Variants in HACE1 observed in about 807,000 individuals in gnomAD.
The protein encoded by HACE1 is E3 ubiquitin-protein ligase HACE1.
In HACE1, 73 loss-of-function variants were observed where a neutral mutation model predicts 118.4. The observed-to-expected ratio is 0.62, with a 90% CI of 0.51 to 0.75. HACE1 has a LOEUF of 0.75. Ranked by LOEUF, HACE1 falls within the 30% of genes least tolerant of loss-of-function variation. The pLI is 0.00. For missense variants in HACE1, 749 were observed against 1,102.2 expected, an observed-to-expected ratio of 0.68 and a Z score of 4.54; for synonymous variants, 368 against 374.8, an observed-to-expected ratio of 0.98 and a Z score of 0.21.
rs1157111442 is a variant in HACE1 at position 104,730,297 on chromosome 6, AC to A, written c.2627+5del. ...TAAAGCATTTAAATAAACCAAGTCA[AC>A]ATACCATGTGCTTGAAGTTGGTAAA... On this transcript the variant is annotated splice_donor_5th_base_variant and intron_variant, in intron 23 of 23. Coordinates refer to ENST00000262903, the MANE Select transcript of HACE1 (RefSeq NM_020771.4). 1 of 1,284,262 alleles carries A rather than the reference AC, an allele frequency of 7.8e-7. No homozygotes were observed. Among genetic ancestry groups the A allele is most frequent in the African/African-American group, 1.5e-5 (1 of 68,734 alleles). The allele number at this position is 1,284,262 out of a possible 1,614,324, so 79.6% of individuals were successfully genotyped here.
At chr6:104,792,361 C>G (rs567959967) in intron 10 of HACE1, among the ~76,000 whole-genome samples, 1 of 152,246 alleles carries the variant, frequency 6.6e-6, no homozygotes, top group African/African-American at 2.4e-5. Flanking sequence ...GAAAGCCCTT[C>G]AGAATCCCAC....
At position 104,729,746 on chromosome 6, in the gene HACE1, T is replaced by G; in HGVS notation, c.2646A>C (p.Leu882Phe). 1 of 1,528,206 alleles carries G rather than the reference T, an allele frequency of 6.5e-7. No individual in the cohort carries two copies. Among genetic ancestry groups the G allele is most frequent in the Non-Finnish European group, 9.1e-7 (1 of 1,102,332 alleles). The allele number at this position is 1,528,206 out of a possible 1,614,324, so 94.7% of individuals were successfully genotyped here. A position where few individuals can be genotyped will look rare whatever the true frequency, so the allele number is the denominator to read the frequency against. Residue 882 changes from leucine (L) to phenylalanine (F), a missense_variant, in exon 24 of 24, where the codon TTA (leucine) becomes TTC (phenylalanine). Physicochemically the swap from Leu to Phe is conservative, Grantham distance 22. Around this residue, in one of 5 missense-constraint regions of HACE1, gnomAD observed 165 missense variants for 229.9 expected, o/e 0.72. Transcript: ENST00000262903. ...TSSTCINMLKLPEYPSKEILK... is the reference protein window; with the variant it reads ...TSSTCINMLKFPEYPSKEILK... ...GTATTTCTTTACTTGGGTATTCAGG[T>G]AACTTGAGCATGTTGATGCTTTAAA...
intron 22 of HACE1, among the ~76,000 whole-genome samples, chr6:104,734,315 A>G (rs578085842): frequency 5.9e-4 from 90 of 152,166 alleles, no homozygotes; most frequent in African/African-American, 1.9e-3. Context: ...AACACGTTTG[A>G]TTTTTCAGTA....
At chr6:104,832,476 C>T (rs1025502214) in intron 6 of HACE1, among the ~76,000 whole-genome samples, 1 of 152,030 alleles carries the variant, frequency 6.6e-6, no homozygotes, top group Admixed American at 6.6e-5. Flanking sequence ...TCACTGCAAC[C>T]GCTGACTGCT....
At chr6:104,806,294 A>C (rs1770988655) in intron 7 of HACE1, among the ~76,000 whole-genome samples, 1 of 152,064 alleles carries the variant, frequency 6.6e-6, no homozygotes, top group Non-Finnish European at 1.5e-5. Context: ...TGACTTTATT[A>C]AAAATAAAAA....
rs376823380 is a variant in HACE1, at chr6:104,777,336, G to C, written c.1567-19C>G. 4.2e-6 allele frequency: 6 copies of C among 1,437,904 alleles called. No individual in the cohort carries two copies. Among genetic ancestry groups the C allele is most frequent in the Non-Finnish European group, 5.9e-6 (6 of 1,019,092 alleles). The allele number at this position is 1,437,904 out of a possible 1,614,324, so 89.1% of individuals were successfully genotyped here. A position where few individuals can be genotyped will look rare whatever the true frequency, so the allele number is the denominator to read the frequency against. On this transcript the variant is annotated intron_variant, in intron 14 of 23. Transcript: ENST00000262903. The stretch of plus-strand genomic sequence containing the variant: ...TAAAAGGCTAGCTCAAAAAATAAGA[G>C]TAAAATATGTTAGCAGTGTATCAGT...
intron 1 of HACE1, among the ~76,000 whole-genome samples, chr6:104,855,953 C>T (rs1269720038): frequency 6.6e-6 from 1 of 152,136 alleles, no homozygotes. Flanking sequence ...TCTTAAGTCA[C>T]ATCTAACCTA....
At chr6:104,777,467 C>T in intron 14 of HACE1, 150 bp from the exon 15 acceptor site, 5 of 652,668 alleles carry the variant, frequency 7.7e-6, no homozygotes, top group Non-Finnish European at 1.4e-5. Flanking sequence ...TTGAACATTT[C>T]AATAACTATT....
chr6:104,767,866 C>A (rs1780172868), intron 19 of HACE1, among the ~76,000 whole-genome samples: 1 of 152,144 alleles, frequency 6.6e-6, no homozygotes, highest in African/African-American at 2.4e-5. Context: ...CCACTTCATC[C>A]ATTCCCTGAT....
intron 11 of HACE1, among the ~76,000 whole-genome samples, chr6:104,790,562 G>A (rs1782918546): frequency 6.6e-6 from 1 of 152,154 alleles, no homozygotes; most frequent in Non-Finnish European, 1.5e-5. Context: ...AGACTAGCCT[G>A]GGCAACATGG....
Position 104,785,043 on chromosome 6 carries a change from G to T in HACE1, c.1351C>A (p.Arg451=), listed in dbSNP as rs1455900509. Reference sequence around the variant, plus strand: ...AAAGCTTGAATGACAGCACTTAGCCGGTTAGCTGTCATAGAAATAACATCC... The same window carrying T: ...AAAGCTTGAATGACAGCACTTAGCCTGTTAGCTGTCATAGAAATAACATCC... ...CQDVISMTAN[R]LSAVIQAFYM... The change falls in exon 12 of 24, where the codon CGG becomes AGG. Residue 451 remains arginine (R), a synonymous_variant. Coordinates refer to ENST00000262903, the MANE Select transcript of HACE1 (RefSeq NM_020771.4). 1 of 1,613,650 alleles carries T rather than the reference G, an allele frequency of 6.2e-7. No homozygotes were observed. The highest frequency in any genetic ancestry group is 8.5e-7 in the Non-Finnish European group (1 of 1,179,792).
intron 1 of HACE1, among the ~76,000 whole-genome samples, chr6:104,856,624 C>T (rs538143746): frequency 8.5e-5 from 13 of 152,098 alleles, no homozygotes; most frequent in East Asian, 5.8e-4. Flanking sequence ...TTAGTAGAGC[C>T]GGGGGTTCAC....
intron 7 of HACE1, among the ~76,000 whole-genome samples, chr6:104,800,683 G>A (rs1239246595): frequency 1.3e-5 from 2 of 152,158 alleles, no homozygotes; most frequent in African/African-American, 4.8e-5. Context: ...CAACAAAAAG[G>A]ACATCCACAA....
chr6:104,729,452 CTG>C lies in HACE1; in HGVS notation c.*208_*209del. 1.8e-6 allele frequency: 1 copy of C among 568,250 alleles called. No individual in the cohort carries two copies. The highest frequency in any genetic ancestry group is 2.2e-5 in the South Asian group (1 of 46,382). The allele number at this position is 568,250 out of a possible 1,614,324, so 35.2% of individuals were successfully genotyped here. ...TTAGCATTTTAAAAAATAAAATCTA[CTG>C]TGATTTTATATTTTCTAATTGTATC... On this transcript the variant is annotated 3_prime_UTR_variant, in exon 24 of 24. Coordinates refer to ENST00000262903, the MANE Select transcript of HACE1 (RefSeq NM_020771.4).
intron 1 of HACE1, among the ~76,000 whole-genome samples, chr6:104,855,799 G>A (rs1026633211): frequency 3.3e-5 from 5 of 152,124 alleles, no homozygotes; most frequent in Admixed American, 6.6e-5. Context: ...AAAAAACACT[G>A]TTATTTGTGG....
chr6:104,842,155 A>G lies in HACE1; in HGVS notation c.402+1068T>C, dbSNP rs920845938. On this transcript the variant is annotated intron_variant, in intron 5 of 23. Transcript: ENST00000262903. ...CCCCACCTCTACAAAAAAATATAAA[A>G]TATACTAGCCAAGGGTAGTGAGACA... Among the ~76,000 whole-genome samples the G allele has an allele frequency of 4.6e-5, 7 of 152,266 alleles. 1 individual carries two copies. In the East Asian group the frequency reaches 9.7e-4, roughly 21 times the overall value.
At chr6:104,818,932 C>T (rs1013978519) in intron 6 of HACE1, among the ~76,000 whole-genome samples, 2 of 152,010 alleles carry the variant, frequency 1.3e-5, no homozygotes, top group African/African-American at 4.8e-5. Context: ...CAGCCAGTAT[C>T]ATAATGAATG....
intron 19 of HACE1, among the ~76,000 whole-genome samples, chr6:104,768,398 T>C (rs992101411): frequency 2.6e-5 from 4 of 151,914 alleles, no homozygotes; most frequent in East Asian, 1.9e-4. Context: ...CAAAAATCAA[T>C]AGTATTTCCA....
chr6:104,746,578 G>T (rs1777451045), intron 20 of HACE1, among the ~76,000 whole-genome samples: 1 of 152,198 alleles, frequency 6.6e-6, no homozygotes, highest in Admixed American at 6.5e-5. Flanking sequence ...CTCCTTGGTG[G>T]TTCAGGCTCC....
Sources: allele counts gnomAD v4.1 joint callset (sites outside exome capture counted in the v4.1 genomes callset), GRCh38; gene constraint gnomAD v4.1.1; regional missense constraint gnomAD v4.1.1; transcripts MANE v1.5; gene names NCBI Gene and HGNC (gene_info 2026-07-23, HGNC 2026-07-21).